The following MSI2 variants were observed in gnomAD, a reference collection of about 807,000 sequenced individuals.
MSI2 encodes musashi RNA binding protein 2.
Under a neutral mutation model 45.6 loss-of-function variants are expected in MSI2, and 17 were observed. That is an observed-to-expected ratio of 0.37 (90% CI 0.26 to 0.56). The LOEUF is 0.56. Among genes scored for constraint, MSI2 ranks in the 20% least tolerant of loss-of-function variants. The pLI is 0.77. For synonymous variants in MSI2, 156 were observed against 158.2 expected (o/e 0.99, Z 0.11); for missense variants, 293 against 444.2 (o/e 0.66, Z 3.06).
intron 5 of MSI2, among the ~76,000 whole-genome samples, chr17:57,303,816 G>A (rs1273667267): frequency 6.6e-6 from 1 of 152,192 alleles, no homozygotes; most frequent in Admixed American, 6.5e-5. Flanking sequence ...TGATAGTTCA[G>A]TAGCGTAATG....
At chr17:57,264,753 A>C (rs1330029535) in intron 5 of MSI2, 1 of 152,266 alleles carries the variant, frequency 6.6e-6, no homozygotes, top group South Asian at 2.1e-4. Flanking sequence ...TGGCTGTAGA[A>C]CTGGGCCCTT....
intron 6 of MSI2, among the ~76,000 whole-genome samples, chr17:57,428,169 A>T (rs992189668): frequency 6.6e-6 from 1 of 152,138 alleles, no homozygotes; most frequent in African/African-American, 2.4e-5. Context: ...CAAAAATACA[A>T]ATTCATGGAC....
chr17:57,256,834 G>A, intron 1 of MSI2, 30 bp downstream of exon 1: 1 of 1,436,438 alleles, frequency 7.0e-7, no homozygotes, highest in African/African-American at 1.5e-5. Context: ...CCACCGCGCC[G>A]CCTTGGGCTC....
In MSI2 at chr17:57,390,123, G is replaced by T. The variant is rs148287755; in HGVS notation, c.313-11256G>T. On this transcript the variant is annotated intron_variant, in intron 5 of 13. Coordinates refer to ENST00000284073, the MANE Select transcript of MSI2 (RefSeq NM_138962.4). The stretch of plus-strand genomic sequence containing the variant: ...AAGAAAAAGCCAGATGTGGTCGTGT[G>T]TGCATGCTTGTAGTCTCTTCTACTC... 1.8e-3 allele frequency among the ~76,000 whole-genome samples: 269 copies of T among 152,050 alleles called. 1 individual carries two copies. Among genetic ancestry groups the T allele is most frequent in the South Asian group, 0.012 (56 of 4,808 alleles).
chr17:57,427,050 G>A (rs1393080048), intron 6 of MSI2, among the ~76,000 whole-genome samples: 4 of 152,192 alleles, frequency 2.6e-5, no homozygotes, highest in Non-Finnish European at 5.9e-5. Context: ...GAATTGCTTC[G>A]AAGGTTTCTC....
At chr17:57,257,920 T>C (rs1208512449) in intron 3 of MSI2, among the ~76,000 whole-genome samples, 2 of 152,084 alleles carry the variant, frequency 1.3e-5, no homozygotes, top group Non-Finnish European at 2.9e-5. Flanking sequence ...CTTAGAAAGA[T>C]GGTGGTAAAT....
At chr17:57,454,890 C>T (rs1567833744) in intron 6 of MSI2, among the ~76,000 whole-genome samples, 1 of 152,162 alleles carries the variant, frequency 6.6e-6, no homozygotes, top group Non-Finnish European at 1.5e-5. Context: ...AGAGGGGTGC[C>T]GCTAGCATCA....
intron 5 of MSI2, among the ~76,000 whole-genome samples, chr17:57,321,487 A>G (rs1451462156): frequency 6.6e-6 from 1 of 152,146 alleles, no homozygotes; most frequent in Non-Finnish European, 1.5e-5. Flanking sequence ...AGTTATGGAA[A>G]TGCCTCGGCT....
At chr17:57,335,343 C>T (rs1457680756) in intron 5 of MSI2, among the ~76,000 whole-genome samples, 1 of 152,256 alleles carries the variant, frequency 6.6e-6, no homozygotes, top group Non-Finnish European at 1.5e-5. Flanking sequence ...TGACCCCCAC[C>T]TGCCTTTACA....
At chr17:57,514,298 T>C (rs903219447) in intron 6 of MSI2, among the ~76,000 whole-genome samples, 1 of 152,136 alleles carries the variant, frequency 6.6e-6, no homozygotes, top group Non-Finnish European at 1.5e-5. Flanking sequence ...CAGCAAATAG[T>C]ACAGTTTTCA....
At chr17:57,643,041 C>G (rs1910373156) in intron 10 of MSI2, among the ~76,000 whole-genome samples, 1 of 152,204 alleles carries the variant, frequency 6.6e-6, no homozygotes, top group Non-Finnish European at 1.5e-5. Flanking sequence ...CCCAGGAGAG[C>G]TTTGGCAGTT....
chr17:57,574,332 C>A (rs531631556), intron 7 of MSI2, among the ~76,000 whole-genome samples: 2 of 152,344 alleles, frequency 1.3e-5, no homozygotes, highest in Admixed American at 6.5e-5. Flanking sequence ...ATAAGAAAGT[C>A]CATTATACCT....
At chr17:57,327,380 C>T (rs545613807) in intron 5 of MSI2, among the ~76,000 whole-genome samples, 1 of 152,310 alleles carries the variant, frequency 6.6e-6, no homozygotes, top group East Asian at 1.9e-4. Flanking sequence ...AGATCTAATA[C>T]AGTGGGTGCC....
chr17:57,569,359 G>A (rs2087816531), intron 7 of MSI2, among the ~76,000 whole-genome samples: 1 of 152,162 alleles, frequency 6.6e-6, no homozygotes, highest in South Asian at 2.1e-4. Flanking sequence ...AGTAGAAAAG[G>A]CATCTCTGCC....
At chr17:57,438,769 A>G (rs11867342) in intron 6 of MSI2, among the ~76,000 whole-genome samples, 35,085 of 151,572 alleles carry the variant, frequency 0.23, 4,436 homozygotes, top group South Asian at 0.3. Flanking sequence ...ACCGGAGCCT[A>G]GGGCCTGAGG....
the MSI2 span, among the ~76,000 whole-genome samples, chr17:57,699,987 G>A: frequency 6.6e-6 from 1 of 152,266 alleles, no homozygotes; most frequent in African/African-American, 2.4e-5. Context: ...AAGCAATGAA[G>A]ATGAAATCCT....
Position 57,602,214 on chromosome 17 carries a change from A to AT in MSI2, c.537+5275dup, listed in dbSNP as rs532918083. Among the ~76,000 whole-genome samples, 914 of 148,370 alleles carry AT rather than the reference A, an allele frequency of 6.2e-3. 6 individuals carry two copies. The highest frequency in any genetic ancestry group is 0.014 in the Middle Eastern group (4 of 282). On this transcript the variant is annotated intron_variant, in intron 8 of 13. Coordinates refer to ENST00000284073, the MANE Select transcript of MSI2 (RefSeq NM_138962.4). ...AGAACATTATGAGATTTTTTTTTTA[A>AT]TTTTTTTTTTTAAAGCTCATCAGCT... is the stretch of plus-strand genomic sequence containing the variant.
At chr17:57,656,423 T>C (rs1284833456) in intron 11 of MSI2, among the ~76,000 whole-genome samples, 1 of 152,216 alleles carries the variant, frequency 6.6e-6, no homozygotes, top group African/African-American at 2.4e-5. Flanking sequence ...CCAGCAAGAC[T>C]CCTTCAAGCC....
intron 5 of MSI2, among the ~76,000 whole-genome samples, chr17:57,364,426 A>G (rs1012215729): frequency 1.3e-5 from 2 of 152,218 alleles, no homozygotes; most frequent in Admixed American, 6.5e-5. Flanking sequence ...CAGTGCAATC[A>G]AAGTTAAGTG....
Sources: gnomAD v4.1 joint callset for allele counts (sites outside exome capture counted in the v4.1 genomes callset) on GRCh38, gnomAD v4.1.1 for gene constraint, MANE v1.5 for transcripts, NCBI Gene and HGNC (gene_info 2026-07-23, HGNC 2026-07-21) for gene names.